Variants in CAST observed in about 807,000 individuals in gnomAD.
CAST encodes calpastatin, also known as MIR583 host.
Under a neutral mutation model 119.6 loss-of-function variants are expected in CAST, and 76 were observed. That is an observed-to-expected ratio of 0.64 (90% confidence interval 0.53 to 0.77). The LOEUF (loss-of-function observed/expected upper bound fraction) is 0.77, where lower values mean the gene tolerates loss of function less well. Among genes scored for constraint, CAST ranks in the 30% least tolerant of loss-of-function variants. CAST has a pLI of 0.00. For missense variants in CAST, 953 were observed against 946.5 expected (o/e 1.01, Z -0.09); for synonymous variants, 319 against 331.6 (o/e 0.96, Z 0.41).
intron 16 of CAST, among the ~76,000 whole-genome samples, chr5:96,744,515 C>T (rs1465548876): frequency 6.6e-6 from 1 of 152,166 alleles, no homozygotes; most frequent in Non-Finnish European, 1.5e-5. Context: ...TGGGTCCCTC[C>T]CACGACACGT....
At chr5:96,675,072 G>T (rs1475594975) in intron 1 of CAST, among the ~76,000 whole-genome samples, 1 of 152,210 alleles carries the variant, frequency 6.6e-6, no homozygotes, top group Non-Finnish European at 1.5e-5. Context: ...TGCAGGTATG[G>T]TCTTTGTCCT....
chr5:96,334,001 C>T, the CAST span, among the ~76,000 whole-genome samples: 1 of 152,166 alleles, frequency 6.6e-6, no homozygotes, highest in Non-Finnish European at 1.5e-5. Context: ...GGGTCTCAGA[C>T]CCTCACTTCA....
the CAST span, chr5:96,079,051 A>G: frequency 2.3e-6 from 1 of 442,412 alleles, no homozygotes; most frequent in Admixed American, 2.8e-5. Context: ...AAGTTTACCT[A>G]TGTAACAAAC....
intron 2 of CAST, among the ~76,000 whole-genome samples, chr5:96,680,354 CAA>C (rs71617135): frequency 3.4e-5 from 1 of 29,292 alleles, no homozygotes; most frequent in Non-Finnish European, 5.9e-5. Flanking sequence ...GACTCTGTCT[CAA>C]AAAAAAAAAA....
the CAST span, among the ~76,000 whole-genome samples, chr5:96,435,772 A>G: frequency 1.3e-5 from 2 of 152,238 alleles, no homozygotes; most frequent in African/African-American, 4.8e-5. Context: ...TGATACAGCT[A>G]AGCATTCATT....
At chr5:96,275,718 C>G in the CAST span, among the ~76,000 whole-genome samples, 1 of 152,260 alleles carries the variant, frequency 6.6e-6, no homozygotes, top group East Asian at 1.9e-4. Context: ...TTACATAGCC[C>G]AGCAACAATC....
At chr5:96,633,015 A>C (rs956240401) in intron 1 of CAST, among the ~76,000 whole-genome samples, 1 of 152,168 alleles carries the variant, frequency 6.6e-6, no homozygotes, top group African/African-American at 2.4e-5. Context: ...CTAGTTGCCT[A>C]GGCTGGAGTG....
intron 2 of CAST, among the ~76,000 whole-genome samples, chr5:96,691,475 CAT>C (rs1272873307): frequency 6.6e-6 from 1 of 152,140 alleles, no homozygotes; most frequent in East Asian, 1.9e-4. Context: ...TAATAAAACT[CAT>C]AGAAAATTTT....
chr5:96,474,374 T>A, the CAST span, among the ~76,000 whole-genome samples: 2 of 133,372 alleles, frequency 1.5e-5, no homozygotes, highest in Admixed American at 8.1e-5. Flanking sequence ...TTCCGTGTCA[T>A]CCACAGAAGC....
chr5:96,244,400 A>T, the CAST span, among the ~76,000 whole-genome samples: 2 of 152,240 alleles, frequency 1.3e-5, no homozygotes, highest in Non-Finnish European at 2.9e-5. Flanking sequence ...TCTGGGAAAT[A>T]TGGTAAGCAA....
At chr5:96,307,746 A>C in the CAST span, among the ~76,000 whole-genome samples, 1 of 152,216 alleles carries the variant, frequency 6.6e-6, no homozygotes, top group Non-Finnish European at 1.5e-5. Context: ...TCTGGGTTGA[A>C]AATTCTTTTC....
intron 29 of CAST, among the ~76,000 whole-genome samples, chr5:96,768,592 A>C (rs1770927111): frequency 6.6e-6 from 1 of 152,210 alleles, no homozygotes. Context: ...GCTACTTTGT[A>C]ATTTCCATAG....
chr5:96,399,757 C>A, the CAST span, among the ~76,000 whole-genome samples: 1,557 of 152,212 alleles, frequency 0.01, 26 homozygotes, highest in African/African-American at 0.036. Flanking sequence ...ACAAGAGGAA[C>A]ATGCAAATGG....
chr5:96,725,940 C>T (rs1759168145), intron 4 of CAST, among the ~76,000 whole-genome samples: 1 of 152,012 alleles, frequency 6.6e-6, no homozygotes, highest in South Asian at 2.1e-4. Flanking sequence ...GTTTCCTTCC[C>T]AAAATAGTGT....
chr5:96,534,715 G>GAAGGA (rs1561408739), intron 1 of CAST, among the ~76,000 whole-genome samples: 16 of 5,834 alleles, frequency 2.7e-3, no homozygotes, highest in Admixed American at 5.8e-3. Context: ...AGGAAGGAAG[G>GAAGGA]AGAGAGAGAG....
At chr5:96,493,259 AT>A in the CAST span, among the ~76,000 whole-genome samples, 9 of 152,284 alleles carry the variant, frequency 5.9e-5, no homozygotes, top group African/African-American at 7.2e-5. Flanking sequence ...GTTTCATAAC[AT>A]TTTTTATGCC....
At chr5:96,646,338 G>A (rs564536151) in intron 1 of CAST, among the ~76,000 whole-genome samples, 7 of 152,282 alleles carry the variant, frequency 4.6e-5, no homozygotes, top group South Asian at 4.1e-4. Flanking sequence ...TTACAGCATC[G>A]TTTAATAACA....
Position 96,743,597 on chromosome 5 carries a change from T to G in CAST, c.1200+841T>G, listed in dbSNP as rs766681656. On this transcript the variant is annotated intron_variant, in intron 16 of 31. Transcript: ENST00000675179. ...GAGTCTCCCTGACTTCCAGCAACAA[T>G]CCTTGAGTCTGGGACTGCCCTGGCC... The G allele has an allele frequency of 2.5e-6, 4 of 1,604,472 alleles. No homozygotes were observed. The African/African-American group carries it at 5.4e-5, about 22-fold the overall frequency.
At chr5:96,095,290 T>G in the CAST span, among the ~76,000 whole-genome samples, 3 of 152,100 alleles carry the variant, frequency 2.0e-5, no homozygotes, top group African/African-American at 7.2e-5. Flanking sequence ...AAAAGTGTTC[T>G]AAGGTAGAAT....
Sources: allele counts gnomAD v4.1 joint callset (sites outside exome capture counted in the v4.1 genomes callset), GRCh38; gene constraint gnomAD v4.1.1; transcripts MANE v1.5; gene names NCBI Gene and HGNC (gene_info 2026-07-23, HGNC 2026-07-21).